The following PPM1L variants were observed in gnomAD, a reference collection of about 807,000 sequenced individuals.
PPM1L encodes the protein protein phosphatase, Mg2+/Mn2+ dependent 1L, also known as protein phosphatase 1L.
A neutral mutation model predicts 31.4 loss-of-function variants in PPM1L; 13 were observed. That is an observed-to-expected ratio of 0.41 (90% CI 0.27 to 0.66). PPM1L has a LOEUF of 0.66. PPM1L is among the 30% of genes least tolerant of loss of function. The pLI is 0.29. For missense variants in PPM1L, 326 were observed against 453.7 expected, an observed-to-expected ratio of 0.72 and a Z score of 2.56; for synonymous variants, 184 against 175.4, an observed-to-expected ratio of 1.05 and a Z score of -0.39.
At chr3:160,904,223 C>A (rs894650305) in intron 1 of PPM1L, among the ~76,000 whole-genome samples, 1 of 152,044 alleles carries the variant, frequency 6.6e-6, no homozygotes, top group Admixed American at 6.5e-5. Context: ...GCAGGTTTTG[C>A]GATTTTACTC....
intron 2 of PPM1L, among the ~76,000 whole-genome samples, chr3:160,967,971 G>A (rs762416685): frequency 6.6e-5 from 10 of 152,160 alleles, no homozygotes; most frequent in Non-Finnish European, 1.3e-4. Context: ...AAGGCTTCCT[G>A]TAGCTATGGC....
chr3:160,810,824 AC>A (rs1417508742), intron 1 of PPM1L, among the ~76,000 whole-genome samples: 1 of 152,234 alleles, frequency 6.6e-6, no homozygotes. Context: ...CATGTTGATG[AC>A]CTGGATCCAG....
chr3:160,980,706 GA>G (rs375518927), intron 2 of PPM1L, among the ~76,000 whole-genome samples: 150 of 15,020 alleles, frequency 1.0e-2, no homozygotes, highest in Non-Finnish European at 0.015. Flanking sequence ...GAAAGAGAGA[GA>G]AAAAAAAAGA....
At chr3:160,803,628 G>A (rs1164705171) in intron 1 of PPM1L, among the ~76,000 whole-genome samples, 2 of 152,052 alleles carry the variant, frequency 1.3e-5, no homozygotes, top group Non-Finnish European at 2.9e-5. Context: ...ACTAATATAT[G>A]TAGACATGCC....
intron 1 of PPM1L, among the ~76,000 whole-genome samples, chr3:160,851,860 C>G (rs980513175): frequency 1.3e-5 from 2 of 152,158 alleles, no homozygotes; most frequent in Non-Finnish European, 2.9e-5. Flanking sequence ...ATTTCCTGAG[C>G]CAAGACCTTC....
At chr3:160,909,565 C>G (rs939460268) in intron 1 of PPM1L, among the ~76,000 whole-genome samples, 22 of 152,108 alleles carry the variant, frequency 1.4e-4, no homozygotes, top group Non-Finnish European at 3.1e-4. Context: ...GGAACATAAG[C>G]CTGAAGATAT....
chr3:160,984,180 T>C (rs1346892906), intron 2 of PPM1L, among the ~76,000 whole-genome samples: 1 of 152,234 alleles, frequency 6.6e-6, no homozygotes, highest in Non-Finnish European at 1.5e-5. Flanking sequence ...CATCCCTATC[T>C]ACATCTGCAT....
intron 1 of PPM1L, among the ~76,000 whole-genome samples, chr3:160,888,245 A>C (rs1040279817): frequency 6.6e-6 from 1 of 152,230 alleles, no homozygotes. Flanking sequence ...GGCAAGTTGG[A>C]TACAGAGTCA....
chr3:160,874,083 G>C (rs933095926), intron 1 of PPM1L, among the ~76,000 whole-genome samples: 1 of 152,168 alleles, frequency 6.6e-6, no homozygotes, highest in Non-Finnish European at 1.5e-5. Flanking sequence ...TCTTTGTTAT[G>C]TGGGGTTTTG....
chr3:161,066,926 A>C (rs1301555584), intron 3 of PPM1L, among the ~76,000 whole-genome samples: 1 of 152,204 alleles, frequency 6.6e-6, no homozygotes, highest in Non-Finnish European at 1.5e-5. Context: ...TGAGTTGCAA[A>C]ATAGTTTTTA....
At chr3:160,835,953 C>CT (rs1376901250) in intron 1 of PPM1L, among the ~76,000 whole-genome samples, 1 of 151,990 alleles carries the variant, frequency 6.6e-6, no homozygotes, top group Non-Finnish European at 1.5e-5. Flanking sequence ...GGATAGTCTG[C>CT]TTTTTGATCA....
intron 1 of PPM1L, among the ~76,000 whole-genome samples, chr3:160,904,383 C>A (rs1713670233): frequency 6.6e-6 from 1 of 152,088 alleles, no homozygotes; most frequent in Non-Finnish European, 1.5e-5. Context: ...TCTTTATATG[C>A]ATTGAAAAAG....
chr3:161,011,725 TCC>T (rs1717902237), intron 2 of PPM1L, among the ~76,000 whole-genome samples: 1 of 152,218 alleles, frequency 6.6e-6, no homozygotes, highest in Admixed American at 6.5e-5. Context: ...CTTGAAGAGG[TCC>T]TTCACATCCC....
intron 2 of PPM1L, among the ~76,000 whole-genome samples, chr3:160,994,049 A>G (rs2108046119): frequency 6.6e-6 from 1 of 150,836 alleles, no homozygotes; most frequent in East Asian, 2.0e-4. Context: ...GATTTTACTC[A>G]GGATTTATAG....
At chr3:160,814,586 C>T (rs1269377072) in intron 1 of PPM1L, among the ~76,000 whole-genome samples, 1 of 114,288 alleles carries the variant, frequency 8.7e-6, no homozygotes, top group Non-Finnish European at 2.0e-5. Context: ...TATATATACA[C>T]ACACATATGT....
At chr3:160,994,643 C>G (rs1326473641) in intron 2 of PPM1L, among the ~76,000 whole-genome samples, 1 of 152,194 alleles carries the variant, frequency 6.6e-6, no homozygotes, top group African/African-American at 2.4e-5. Context: ...ATGTTTACCA[C>G]ACACTACTAT....
chr3:160,780,126 G>A (rs1576633904), intron 1 of PPM1L, among the ~76,000 whole-genome samples: 1 of 152,024 alleles, frequency 6.6e-6, no homozygotes, highest in Non-Finnish European at 1.5e-5. Flanking sequence ...CTGGGCAAGT[G>A]ATCCTCCCAC....
At chr3:160,804,771 T>C (rs1265976215) in intron 1 of PPM1L, among the ~76,000 whole-genome samples, 1 of 152,250 alleles carries the variant, frequency 6.6e-6, no homozygotes, top group East Asian at 1.9e-4. Flanking sequence ...CTAATTGCCA[T>C]ACATGGGGGC....
intron 1 of PPM1L, among the ~76,000 whole-genome samples, chr3:160,834,471 ATGTG>A (rs150328470): frequency 0.056 from 7,837 of 138,958 alleles, 232 homozygotes; most frequent in Non-Finnish European, 0.08. Context: ...GTGTATGTGT[ATGTG>A]TGTGTGTGTG....
Sources: allele counts gnomAD v4.1 joint callset (sites outside exome capture counted in the v4.1 genomes callset), GRCh38; gene constraint gnomAD v4.1.1; transcripts MANE v1.5; gene names NCBI Gene and HGNC (gene_info 2026-07-23, HGNC 2026-07-21).